Variants in KHDRBS2 observed in about 807,000 individuals in gnomAD.
KHDRBS2 encodes KH domain-containing, RNA-binding, signal transduction-associated protein 2.
In KHDRBS2, 26 loss-of-function variants were observed where a neutral mutation model predicts 44.3. The observed-to-expected ratio is 0.59, with a 90% CI of 0.43 to 0.81. The LOEUF (loss-of-function observed/expected upper bound fraction) is 0.81. Ranked by LOEUF, KHDRBS2 falls within the 40% of genes least tolerant of loss-of-function variation. KHDRBS2 has a pLI of 0.00. For synonymous variants in KHDRBS2, 194 were observed against 151.1 expected (o/e 1.28, Z -2.08); for missense variants, 476 against 433.1 (o/e 1.10, Z -0.88).
intron 4 of KHDRBS2, among the ~76,000 whole-genome samples, chr6:61,970,372 T>A (rs927986513): frequency 1.3e-5 from 2 of 152,100 alleles, no homozygotes; most frequent in Non-Finnish European, 2.9e-5. Context: ...ATCATTTTAT[T>A]TCAAGTATGG....
At chr6:62,061,007 T>G (rs1408194173) in intron 2 of KHDRBS2, among the ~76,000 whole-genome samples, 4 of 151,950 alleles carry the variant, frequency 2.6e-5, no homozygotes, top group Non-Finnish European at 5.9e-5. Flanking sequence ...CTTGCCTTTT[T>G]TTGTTTTCCA....
intron 7 of KHDRBS2, among the ~76,000 whole-genome samples, chr6:61,722,998 G>A (rs6903385): frequency 2.8e-4 from 43 of 152,052 alleles, no homozygotes; most frequent in African/African-American, 6.5e-4. Flanking sequence ...CATGAGCTGC[G>A]GCGAGGAAGA....
chr6:61,791,446 T>C (rs1181351520), intron 6 of KHDRBS2, among the ~76,000 whole-genome samples: 1 of 151,550 alleles, frequency 6.6e-6, no homozygotes, highest in Non-Finnish European at 1.5e-5. Flanking sequence ...CATTGAATTA[T>C]AAATATTTTT....
intron 4 of KHDRBS2, among the ~76,000 whole-genome samples, chr6:61,923,577 C>A (rs73489417): frequency 1.3e-5 from 2 of 151,986 alleles, no homozygotes; most frequent in African/African-American, 4.8e-5. Flanking sequence ...TGAAAAACCA[C>A]ATAATAATCT....
At chr6:61,792,062 TGTTTC>T (rs1164690445) in intron 6 of KHDRBS2, among the ~76,000 whole-genome samples, 1 of 151,500 alleles carries the variant, frequency 6.6e-6, no homozygotes, top group Non-Finnish European at 1.5e-5. Context: ...AATTACACTC[TGTTTC>T]TATTCCTTGT....
chr6:61,594,371 C>T, the KHDRBS2 span, among the ~76,000 whole-genome samples: 1 of 152,032 alleles, frequency 6.6e-6, no homozygotes, highest in Non-Finnish European at 1.5e-5. Context: ...TTTCAAAATT[C>T]TTACCTAGTC....
At chr6:62,241,343 A>G (rs1370648472) in intron 1 of KHDRBS2, among the ~76,000 whole-genome samples, 1 of 152,188 alleles carries the variant, frequency 6.6e-6, no homozygotes, top group Non-Finnish European at 1.5e-5. Context: ...ACTCTTTTTT[A>G]TATGATAAAA....
In KHDRBS2 at chr6:61,945,703, T is replaced by G. The variant is rs140217676; in HGVS notation, c.483+32363A>C. ...ATATAAAACTAAGCCAAAAACACCT[T>G]TCAAAGTAAATAGAAATGTCTTAGA... On this transcript the variant is annotated intron_variant, in intron 4 of 8. Coordinates refer to ENST00000281156, the MANE Select transcript of KHDRBS2 (RefSeq NM_152688.4). Among the ~76,000 whole-genome samples, 282 of 151,972 alleles carry G rather than the reference T, an allele frequency of 1.9e-3. 1 individual carries two copies. Among genetic ancestry groups the G allele is most frequent in the Non-Finnish European group, 3.4e-3 (229 of 67,950 alleles).
At chr6:61,731,068 TGTAGTAA>T (rs1452711617) in intron 7 of KHDRBS2, among the ~76,000 whole-genome samples, 1 of 152,088 alleles carries the variant, frequency 6.6e-6, no homozygotes, top group Admixed American at 6.6e-5. Context: ...GTTTGTCGAG[TGTAGTAA>T]CTACACTTTC....
chr6:61,550,766 C>T, the KHDRBS2 span, among the ~76,000 whole-genome samples: 34 of 117,018 alleles, frequency 2.9e-4, no homozygotes, highest in Non-Finnish European at 2.8e-4. Flanking sequence ...GAGATGGTAT[C>T]TTTTTTTTTT....
chr6:61,553,957 T>A, the KHDRBS2 span, among the ~76,000 whole-genome samples: 1 of 152,194 alleles, frequency 6.6e-6, no homozygotes, highest in African/African-American at 2.4e-5. Flanking sequence ...CATGTGCTGA[T>A]GCAAAGAATG....
chr6:62,066,833 T>A (rs906382423), intron 2 of KHDRBS2, among the ~76,000 whole-genome samples: 1 of 151,650 alleles, frequency 6.6e-6, no homozygotes, highest in African/African-American at 2.4e-5. Context: ...ACTGCTTTTT[T>A]GTCCTGGATG....
At chr6:61,566,314 A>G in the KHDRBS2 span, among the ~76,000 whole-genome samples, 2 of 152,172 alleles carry the variant, frequency 1.3e-5, no homozygotes, top group Non-Finnish European at 2.9e-5. Flanking sequence ...AGTGAGAACT[A>G]GTGTTCTGTA....
At chr6:61,597,971 TA>T in the KHDRBS2 span, among the ~76,000 whole-genome samples, 1 of 149,008 alleles carries the variant, frequency 6.7e-6, no homozygotes, top group Non-Finnish European at 1.5e-5. Context: ...TTGACTCTTT[TA>T]AAACAAAATT....
At chr6:62,163,736 A>T (rs1818124690) in intron 2 of KHDRBS2, among the ~76,000 whole-genome samples, 1 of 152,006 alleles carries the variant, frequency 6.6e-6, no homozygotes, top group South Asian at 2.1e-4. Flanking sequence ...TAACACGATC[A>T]TTAATATATT....
chr6:62,049,954 A>G (rs9342639), intron 2 of KHDRBS2, among the ~76,000 whole-genome samples: 125,085 of 151,966 alleles, frequency 0.82, 51,897 homozygotes, highest in Admixed American at 0.88. Flanking sequence ...ATACCCAAAG[A>G]TCTACAAAGC....
At chr6:62,273,917 A>G (rs1386394446) in intron 1 of KHDRBS2, among the ~76,000 whole-genome samples, 10 of 151,930 alleles carry the variant, frequency 6.6e-5, no homozygotes, top group African/African-American at 1.7e-4. Flanking sequence ...CCAACCCAAC[A>G]CTTTACATTT....
chr6:61,754,698 C>T (rs867013305), intron 6 of KHDRBS2, among the ~76,000 whole-genome samples: 20 of 151,370 alleles, frequency 1.3e-4, no homozygotes, highest in Middle Eastern at 3.4e-3. Context: ...AGGCTACTTA[C>T]TTCCTGTGGA....
At chr6:62,219,055 A>C (rs1426832884) in intron 1 of KHDRBS2, among the ~76,000 whole-genome samples, 1 of 151,768 alleles carries the variant, frequency 6.6e-6, no homozygotes, top group East Asian at 1.9e-4. Context: ...TAATAGGTTC[A>C]ATATGTATTA....
Sources: gnomAD v4.1 joint callset for allele counts (sites outside exome capture counted in the v4.1 genomes callset) on GRCh38, gnomAD v4.1.1 for gene constraint, MANE v1.5 for transcripts, NCBI Gene and HGNC (gene_info 2026-07-23, HGNC 2026-07-21) for gene names.